The following HPS3 variants were observed in gnomAD, a reference collection of about 807,000 sequenced individuals.
The protein encoded by HPS3 is HPS3 biogenesis of lysosomal organelles complex 2 subunit 1.
Under a neutral mutation model 110.9 loss-of-function variants are expected in HPS3, and 79 were observed. The observed-to-expected ratio is 0.71, with a 90% CI of 0.59 to 0.86. The LOEUF (loss-of-function observed/expected upper bound fraction) is 0.86, where lower values mean the gene tolerates loss of function less well. Ranked by LOEUF, HPS3 falls within the 40% of genes least tolerant of loss-of-function variation. HPS3 has a pLI of 0.00. For synonymous variants in HPS3, 428 were observed against 451.0 expected (o/e 0.95, Z 0.65); for missense variants, 1,197 against 1,206.2 (o/e 0.99, Z 0.11).
chr3:149,141,118 G>A lies in HPS3; in HGVS notation c.814G>A (p.Val272Ile). 2 of 1,612,568 alleles carry A rather than the reference G, an allele frequency of 1.2e-6. No individual in the cohort carries two copies. The highest frequency in any genetic ancestry group is 8.5e-7 in the Non-Finnish European group (1 of 1,179,776). The change falls in exon 3 of 17, where the codon GTT becomes ATT. Residue 272 changes from valine (V) to isoleucine (I), a missense_variant. Physicochemically the swap from Val to Ile is conservative, Grantham distance 29. Coordinates refer to ENST00000296051, the MANE Select transcript of HPS3 (RefSeq NM_032383.5). Reference sequence around the variant, plus strand: ...AAAAAGTGAACAGTCTGGATTATCTGTTACACTGGAGTCTACGGGATTAGC... The same window carrying A: ...AAAAAGTGAACAGTCTGGATTATCTATTACACTGGAGTCTACGGGATTAGC... ...GEKSEQSGLS[V>I]TLESTGLADE...
At position 149,140,171 on chromosome 3, in the gene HPS3, G is replaced by C. The variant is rs1353863770; in HGVS notation, c.385G>C (p.Glu129Gln). ...CTTCAGAGACCAGATGTACATTATT[G>C]AAATGCCGCTTTCGGAGGCCCCCTT... is the stretch of plus-strand genomic sequence containing the variant. ...KAFRDQMYII[E>Q]MPLSEAPLCI... Residue 129 changes from glutamate (E) to glutamine (Q), a missense_variant, in exon 2 of 17, where the codon GAA becomes CAA. Physicochemically the swap from Glu to Gln is conservative, Grantham distance 29. Coordinates refer to ENST00000296051, the MANE Select transcript of HPS3 (RefSeq NM_032383.5). 6.2e-7 allele frequency: 1 copy of C among 1,614,058 alleles called. No homozygotes were observed. The highest frequency in any genetic ancestry group is 8.5e-7 in the Non-Finnish European group (1 of 1,180,032).
intron 4 of HPS3, among the ~76,000 whole-genome samples, 160 bp from the exon 5 acceptor site, chr3:149,145,194 T>C (rs1047856209): frequency 6.6e-6 from 1 of 152,190 alleles, no homozygotes; most frequent in East Asian, 1.9e-4. Flanking sequence ...TATTACTCCT[T>C]TTTTATTTCT....
chr3:149,167,126 T>C lies in HPS3; in HGVS notation c.2682T>C (p.His894=). 1 of 1,613,870 alleles carries C rather than the reference T, an allele frequency of 6.2e-7. No individual in the cohort carries two copies. The highest frequency in any genetic ancestry group is 1.3e-5 in the African/African-American group (1 of 75,054). The change falls in exon 15 of 17, where the codon CAT becomes CAC. Residue 894 remains histidine, a synonymous_variant. Transcript: ENST00000296051. ...SEDTIAGLSV[H]VLCRTRLKEY... ...ACACTATTGCCGGCCTCAGTGTCCA[T>C]GTTCTGTGTCGTACACGCTTGAAAG... is the stretch of plus-strand genomic sequence containing the variant.
Position 149,129,730 on chromosome 3 carries a change from C to T in HPS3, c.7C>T (p.Gln3Ter). MV[Q>*]LYNLHPFGSQ... ...CATCCCGCCGGACGTCGGGATGGTGCAGCTGTACAACCTGCACCCGTTCGG... is the reference window on the plus strand; with the variant it reads ...CATCCCGCCGGACGTCGGGATGGTGTAGCTGTACAACCTGCACCCGTTCGG... Residue 3 changes from glutamine to a stop codon, truncating the protein, a stop_gained, in exon 1 of 17, where the codon CAG becomes TAG. Coordinates refer to ENST00000296051, the MANE Select transcript of HPS3 (RefSeq NM_032383.5). LOFTEE classifies it high-confidence loss of function. 6.3e-7 allele frequency: 1 copy of T among 1,598,526 alleles called. No individual in the cohort carries two copies. The highest frequency in any genetic ancestry group is 8.5e-7 in the Non-Finnish European group (1 of 1,175,406).
intron 4 of HPS3, among the ~76,000 whole-genome samples, chr3:149,143,272 C>G (rs2108134517): frequency 6.6e-6 from 1 of 152,310 alleles, no homozygotes; most frequent in South Asian, 2.1e-4. Flanking sequence ...CTTAGAGACG[C>G]CACAGGCACG....
chr3:149,164,456 TCTGACTGCAA>T (rs1576699936), intron 14 of HPS3, among the ~76,000 whole-genome samples: 1 of 152,212 alleles, frequency 6.6e-6, no homozygotes, highest in East Asian at 1.9e-4. Flanking sequence ...CTTTAATAAT[TCTGACTGCAA>T]CAGTGTTTTG....
chr3:149,143,504 A>G (rs956295930), intron 4 of HPS3, among the ~76,000 whole-genome samples: 1 of 152,182 alleles, frequency 6.6e-6, no homozygotes, highest in African/African-American at 2.4e-5. Flanking sequence ...GCTCTGTGAA[A>G]GCAGTTACGT....
chr3:149,141,380 G>C lies in HPS3; in HGVS notation c.970G>C (p.Gly324Arg). 1 of 1,610,840 alleles carries C rather than the reference G, an allele frequency of 6.2e-7. No individual in the cohort carries two copies. Residue 324 changes from glycine (G) to arginine (R), a missense_variant and splice_region_variant, in exon 4 of 17, where the codon GGT (glycine) becomes CGT (arginine). Transcript: ENST00000296051. ...CCAGCTGCTACCCATTTACCAGACCGGTAAGCATGACAGTGCAGGAGTGCG... is the reference window on the plus strand; with the variant it reads ...CCAGCTGCTACCCATTTACCAGACCCGTAAGCATGACAGTGCAGGAGTGCG... ...SLQLLPIYQT[G>R]SLTSDGKNLS...
At chr3:149,138,697 A>G (rs993229228) in intron 1 of HPS3, among the ~76,000 whole-genome samples, 2 of 152,248 alleles carry the variant, frequency 1.3e-5, no homozygotes, top group African/African-American at 2.4e-5. Context: ...GTAGAGAGCT[A>G]CAGTGTCATG....
intron 11 of HPS3, 57 bp downstream of exon 11, chr3:149,160,336 A>G (rs1460488795): frequency 5.3e-6 from 6 of 1,128,484 alleles, no homozygotes; most frequent in Non-Finnish European, 6.7e-6. Context: ...GTAATCCTGA[A>G]GTGTTTAGCT....
chr3:149,136,352 C>G (rs2108122643), intron 1 of HPS3, among the ~76,000 whole-genome samples: 1 of 152,080 alleles, frequency 6.6e-6, no homozygotes, highest in South Asian at 2.1e-4. Context: ...GGCAACGGAG[C>G]AAGACACTTA....
Position 149,129,931 on chromosome 3 carries a change from A to G in HPS3, c.208A>G (p.Ser70Gly). ...GGGCCGGGTGTTGCGCCTGGCCTAC[A>G]GCGAGGCTGGTGAGTAATCTAGAGA... ...TLGRVLRLAY[S>G]EAGDYLVAIE... The change falls in exon 1 of 17, where the codon AGC becomes GGC. Residue 70 changes from serine to glycine, a missense_variant. Transcript: ENST00000296051. 1 of 1,547,468 alleles carries G rather than the reference A, an allele frequency of 6.5e-7. No individual in the cohort carries two copies. Among genetic ancestry groups the G allele is most frequent in the East Asian group, 2.4e-5 (1 of 41,386 alleles).
chr3:149,136,758 A>G (rs1027195451), intron 1 of HPS3, among the ~76,000 whole-genome samples: 1 of 152,240 alleles, frequency 6.6e-6, no homozygotes, highest in African/African-American at 2.4e-5. Context: ...AGACCAGGTC[A>G]TTAATCTGAA....
chr3:149,149,822 G>T (rs527944885), intron 5 of HPS3, among the ~76,000 whole-genome samples: 1 of 152,196 alleles, frequency 6.6e-6, no homozygotes, highest in South Asian at 2.1e-4. Context: ...GTCAATATTC[G>T]AGGGTTGACC....
chr3:149,162,442 CAG>C lies in HPS3; in HGVS notation c.2292+111_2292+112del, dbSNP rs58796831. 143,173 of 1,047,440 alleles carry C rather than the reference CAG, an allele frequency of 0.14. 10,883 individuals carry two copies. Among genetic ancestry groups the C allele is most frequent in the African/African-American group, 0.28 (17,756 of 63,024 alleles). 64.9% of individuals were successfully genotyped at this position (1,047,440 alleles called of 1,614,324 possible). ...TTCATTTGTTTGTTTATTGAAAAAA[CAG>C]ACATACATAATCAGTTTATAAGATA... On this transcript the variant is annotated intron_variant, in intron 12 of 16. Coordinates refer to ENST00000296051, the MANE Select transcript of HPS3 (RefSeq NM_032383.5).
rs753157984 is a variant in HPS3, at chr3:149,167,106, A to G, written c.2662A>G (p.Ile888Val). Reference protein sequence around the residue: ...PFLEPLSEDTIAGLSVHVLCR... With the variant: ...PFLEPLSEDTVAGLSVHVLCR... ...CTTGGAGCCACTTTCAGAAGACACTATTGCCGGCCTCAGTGTCCATGTTCT... is the reference window on the plus strand; with the variant it reads ...CTTGGAGCCACTTTCAGAAGACACTGTTGCCGGCCTCAGTGTCCATGTTCT... Residue 888 changes from isoleucine to valine, a missense_variant, in exon 15 of 17, where the codon ATT becomes GTT. Physicochemically the swap from Ile to Val is conservative, Grantham distance 29. Coordinates refer to ENST00000296051, the MANE Select transcript of HPS3 (RefSeq NM_032383.5). 47 of 1,613,480 alleles carry G rather than the reference A, an allele frequency of 2.9e-5. No individual in the cohort carries two copies. The highest frequency in any genetic ancestry group is 3.7e-5 in the Non-Finnish European group (44 of 1,179,564).
chr3:149,137,563 G>A (rs960375825), intron 1 of HPS3, among the ~76,000 whole-genome samples: 1 of 152,202 alleles, frequency 6.6e-6, no homozygotes, highest in Non-Finnish European at 1.5e-5. Context: ...CCAAAAGGTG[G>A]AAACAGTCCA....
intron 1 of HPS3, among the ~76,000 whole-genome samples, chr3:149,135,708 G>C (rs889471133): frequency 9.9e-5 from 15 of 152,180 alleles, no homozygotes; most frequent in Non-Finnish European, 1.8e-4. Flanking sequence ...GAAAGAGAAA[G>C]ACCTGGTGGC....
chr3:149,143,409 C>T (rs1260455840), intron 4 of HPS3, among the ~76,000 whole-genome samples: 4 of 152,146 alleles, frequency 2.6e-5, no homozygotes, highest in Non-Finnish European at 4.4e-5. Context: ...ACTTCTCTGA[C>T]CTCTCAATTT....
Sources: gnomAD v4.1 joint callset for allele counts (sites outside exome capture counted in the v4.1 genomes callset) on GRCh38, gnomAD v4.1.1 for gene constraint, MANE v1.5 for transcripts, NCBI Gene and HGNC (gene_info 2026-07-23, HGNC 2026-07-21) for gene names.